The following MTRF1 variants were observed in gnomAD, a reference collection of about 807,000 sequenced individuals.
MTRF1 encodes the protein peptide chain release factor 1, mitochondrial.
A neutral mutation model predicts 62.9 loss-of-function variants in MTRF1; 51 were observed. The observed-to-expected ratio is 0.81, with a 90% CI of 0.65 to 1.02. The LOEUF (loss-of-function observed/expected upper bound fraction) is 1.02. Ranked by LOEUF, MTRF1 falls within the 50% of genes least tolerant of loss-of-function variation. The pLI, the probability that MTRF1 is intolerant of heterozygous loss-of-function variation, is 0.00. For synonymous variants in MTRF1, 158 were observed against 181.9 expected, an observed-to-expected ratio of 0.87 and a Z score of 1.06; for missense variants, 446 against 530.0, an observed-to-expected ratio of 0.84 and a Z score of 1.56.
intron 5 of MTRF1, among the ~76,000 whole-genome samples, chr13:41,250,051 A>T (rs944865799): frequency 7.9e-5 from 12 of 152,052 alleles, no homozygotes; most frequent in Admixed American, 6.6e-4. Context: ...TTTCCCAATC[A>T]TTGTTTAGGC....
At chr13:41,279,730 C>A in the MTRF1 span, among the ~76,000 whole-genome samples, 1 of 152,100 alleles carries the variant, frequency 6.6e-6, no homozygotes, top group Non-Finnish European at 1.5e-5. Context: ...CTTGAAATTG[C>A]CCTGCAAGGT....
the MTRF1 span, among the ~76,000 whole-genome samples, chr13:41,281,257 C>G: frequency 1.3e-5 from 2 of 152,210 alleles, no homozygotes; most frequent in African/African-American, 2.4e-5. Flanking sequence ...GGAGATTTTC[C>G]CGCTCACTGT....
At chr13:41,263,168 T>A (rs748410448) in intron 1 of MTRF1, 1 of 822,328 alleles carries the variant, frequency 1.2e-6, no homozygotes, top group South Asian at 1.4e-5. Flanking sequence ...TTGCTAAAAT[T>A]TCCATTTTAG....
intron 6 of MTRF1, 56 bp from the exon 7 acceptor site, chr13:41,234,063 C>A: frequency 3.0e-6 from 4 of 1,314,414 alleles, no homozygotes; most frequent in Middle Eastern, 1.8e-4. Flanking sequence ...AATATAAAAT[C>A]GATTCCAAGA....
Position 41,254,595 on chromosome 13 carries a change from C to G in MTRF1, c.441G>C (p.Gln147His). Residue 147 changes from glutamine (Q) to histidine (H), a missense_variant, in exon 3 of 10, where the codon CAG (glutamine) becomes CAC (histidine). Transcript: ENST00000379480. ...CKSLNKQDEK[Q>H]LQELALEERQ... is the part of the protein sequence containing the mutation. ...TTTCTTCCAGTGCAAGTTCTTGTAA[C>G]TGCTTTTCATCTTGTTTATTTAGGC... 1 of 1,613,444 alleles carries G rather than the reference C, an allele frequency of 6.2e-7. No individual in the cohort carries two copies. The highest frequency in any genetic ancestry group is 8.5e-7 in the Non-Finnish European group (1 of 1,179,678).
chr13:41,289,684 G>A, the MTRF1 span, among the ~76,000 whole-genome samples: 1 of 152,160 alleles, frequency 6.6e-6, no homozygotes, highest in Non-Finnish European at 1.5e-5. Context: ...ATCCACGACA[G>A]CTTTCTGAAT....
chr13:41,303,387 T>G, the MTRF1 span, among the ~76,000 whole-genome samples: 1 of 152,124 alleles, frequency 6.6e-6, no homozygotes. Context: ...GCAAGAGAAT[T>G]TATTAATTTT....
intron 8 of MTRF1, 31 bp from the exon 9 acceptor site, chr13:41,223,385 T>C (rs897604081): frequency 1.3e-6 from 2 of 1,556,500 alleles, no homozygotes; most frequent in Middle Eastern, 1.7e-4. Flanking sequence ...ATTTATATTT[T>C]ACCTTTATAA....
chr13:41,226,585 A>C lies in MTRF1; in HGVS notation c.989-17T>G, dbSNP rs1396491109. On this transcript the variant is annotated splice_polypyrimidine_tract_variant and intron_variant, in intron 7 of 9. Transcript: ENST00000379480. ...CTACTAGCCCTGAAAAATAACAGGG[A>C]TCAGAAGGTAAACTGTAGCTTCCAC... is the stretch of plus-strand genomic sequence containing the variant. The C allele has an allele frequency of 4.3e-6, 7 of 1,612,506 alleles. No homozygotes were observed. In the South Asian group the frequency reaches 6.6e-5, roughly 15 times the overall value.
chr13:41,310,750 G>A, the MTRF1 span, among the ~76,000 whole-genome samples: 1 of 152,178 alleles, frequency 6.6e-6, no homozygotes, highest in African/African-American at 2.4e-5. Flanking sequence ...TCTACTTAGA[G>A]TCTGAATCAA....
chr13:41,270,018 A>C, the MTRF1 span, among the ~76,000 whole-genome samples: 1 of 152,248 alleles, frequency 6.6e-6, no homozygotes, highest in African/African-American at 2.4e-5. Flanking sequence ...AAATTATAGT[A>C]ATCTTACTAA....
At chr13:41,309,070 G>T in the MTRF1 span, among the ~76,000 whole-genome samples, 49 of 152,190 alleles carry the variant, frequency 3.2e-4, no homozygotes, top group African/African-American at 1.1e-3. Context: ...TCTTTTTTGT[G>T]GCTGTGTAGT....
intron 3 of MTRF1, 26 bp from the exon 4 acceptor site, chr13:41,253,056 G>A (rs373100520): frequency 8.5e-6 from 13 of 1,527,702 alleles, no homozygotes; most frequent in African/African-American, 1.4e-5. Context: ...GCATTTGTGT[G>A]TATATTTTCC....
At chr13:41,259,766 C>T (rs1044739863) in intron 2 of MTRF1, among the ~76,000 whole-genome samples, 1 of 151,766 alleles carries the variant, frequency 6.6e-6, no homozygotes, top group African/African-American at 2.4e-5. Context: ...TCCACTAATG[C>T]GCAGTCCCCT....
intron 5 of MTRF1, chr13:41,252,337 T>C (rs550749841): frequency 1.1e-5 from 2 of 181,750 alleles, no homozygotes; most frequent in Admixed American, 6.0e-5. Context: ...AAAACCTTAA[T>C]ATACCTTTGC....
the MTRF1 span, among the ~76,000 whole-genome samples, chr13:41,286,698 G>C: frequency 6.6e-6 from 1 of 152,146 alleles, no homozygotes; most frequent in Admixed American, 6.6e-5. Flanking sequence ...CCACAACTAA[G>C]AGCAGAATAC....
chr13:41,259,100 T>C (rs1241479549), intron 2 of MTRF1, among the ~76,000 whole-genome samples: 1 of 152,132 alleles, frequency 6.6e-6, no homozygotes, highest in Non-Finnish European at 1.5e-5. Flanking sequence ...TGGCAATAAT[T>C]GAAAGGGCGG....
At chr13:41,234,044 G>A (rs375993057) in intron 6 of MTRF1, 37 bp from the exon 7 acceptor site, 3 of 1,420,398 alleles carry the variant, frequency 2.1e-6, no homozygotes, top group Non-Finnish European at 3.0e-6. Context: ...TACACTCCGT[G>A]AATACTTTAA....
the MTRF1 span, among the ~76,000 whole-genome samples, chr13:41,306,068 T>C: frequency 2.6e-5 from 4 of 152,156 alleles, no homozygotes; most frequent in African/African-American, 9.6e-5. Context: ...AAGGGAGGAA[T>C]AAGAGTACCT....
Sources: gnomAD v4.1 joint callset for allele counts (sites outside exome capture counted in the v4.1 genomes callset) on GRCh38, gnomAD v4.1.1 for gene constraint, MANE v1.5 for transcripts, NCBI Gene and HGNC (gene_info 2026-07-23, HGNC 2026-07-21) for gene names.